Variants in ZC3H3 observed in about 807,000 individuals in gnomAD.
The protein encoded by ZC3H3 is zinc finger CCCH domain-containing protein 3.
Under a neutral mutation model 77.3 loss-of-function variants are expected in ZC3H3, and 36 were observed. That is an observed-to-expected ratio of 0.47 (90% CI 0.36 to 0.61). The LOEUF is 0.61. Among genes scored for constraint, ZC3H3 ranks in the 20% least tolerant of loss-of-function variants. The probability of loss-of-function intolerance (pLI) is 0.00; values close to 1 mark genes in which losing one functional copy is unlikely to be tolerated. For synonymous variants in ZC3H3, 626 were observed against 555.2 expected (o/e 1.13, Z -1.79); for missense variants, 1,331 against 1,312.2 (o/e 1.01, Z -0.22).
intron 9 of ZC3H3, among the ~76,000 whole-genome samples, chr8:143,461,493 A>C (rs1820260750): frequency 6.6e-6 from 1 of 152,192 alleles, no homozygotes; most frequent in South Asian, 2.1e-4. Flanking sequence ...TGGCCCTGCA[A>C]TTCCACTCCT....
rs558309607 is a variant in ZC3H3 at position 143,504,294 on chromosome 8, G to T, written c.1715+3452C>A. Among the ~76,000 whole-genome samples the T allele has an allele frequency of 1.2e-4, 19 of 152,244 alleles. No homozygotes were observed. In the East Asian group the frequency reaches 2.9e-3, roughly 23 times the overall value. ...GCCTCCTCAGGGCGGTGCAGTCCCC[G>T]CCATGAGCATCACAGCCAAGGGGAG... is the stretch of plus-strand genomic sequence containing the variant. On this transcript the variant is annotated intron_variant, in intron 4 of 11. Coordinates refer to ENST00000262577, the MANE Select transcript of ZC3H3 (RefSeq NM_015117.3).
chr8:143,507,413 G>T (rs1042562548), intron 4 of ZC3H3, among the ~76,000 whole-genome samples: 1 of 152,264 alleles, frequency 6.6e-6, no homozygotes, highest in African/African-American at 2.4e-5. Context: ...ACAGCACATG[G>T]CGTGGGCCCT....
In ZC3H3 at chr8:143,494,434, C is replaced by T. The variant is rs544279551; in HGVS notation, c.1715+13312G>A. ...CCTGCCAGCGTGGAGGATGGGGCTCCGGCAGATGACCCCCGAGGGGTGAGC... is the reference window on the plus strand; with the variant it reads ...CCTGCCAGCGTGGAGGATGGGGCTCTGGCAGATGACCCCCGAGGGGTGAGC... On this transcript the variant is annotated intron_variant, in intron 4 of 11. Coordinates refer to ENST00000262577, the MANE Select transcript of ZC3H3 (RefSeq NM_015117.3). The surrounding 1 kb of genome is among the most constrained non-coding windows in gnomAD (Gnocchi z 5.3). Among the ~76,000 whole-genome samples, 4 of 152,256 alleles carry T rather than the reference C, an allele frequency of 2.6e-5. No homozygotes were observed. Among genetic ancestry groups the T allele is most frequent in the Admixed American group, 2.0e-4 (3 of 15,302 alleles).
At chr8:143,459,957 T>C (rs1287196178) in intron 9 of ZC3H3, among the ~76,000 whole-genome samples, 5 of 152,054 alleles carry the variant, frequency 3.3e-5, no homozygotes, top group Non-Finnish European at 1.5e-5. Context: ...TTAAAAGTTC[T>C]AGCCAGAGGC....
chr8:143,477,076 C>T (rs1439807291), intron 4 of ZC3H3, among the ~76,000 whole-genome samples: 1 of 152,164 alleles, frequency 6.6e-6, no homozygotes, highest in Non-Finnish European at 1.5e-5. Context: ...CTGTCGGGTT[C>T]CACCGCCATC....
rs750583361 is a variant in ZC3H3, at chr8:143,440,198, C to T, written c.2658G>A (p.Leu886=). 6.2e-7 allele frequency: 1 copy of T among 1,611,164 alleles called. No individual in the cohort carries two copies. The highest frequency in any genetic ancestry group is 8.5e-7 in the Non-Finnish European group (1 of 1,179,400). ...SSSSSSPPAS[L]DHEAPSLQEA... ...CCTGGAGAGATGGTGCCTCGTGGTC[C>T]AAGGAAGCGGGAGGGGATGAGGAGG... is the stretch of plus-strand genomic sequence containing the variant. Residue 886 remains leucine, a synonymous_variant, in exon 11 of 12, where the codon TTG becomes TTA. Transcript: ENST00000262577.
At chr8:143,454,177 G>A (rs1586879711) in intron 9 of ZC3H3, among the ~76,000 whole-genome samples, 4 of 150,504 alleles carry the variant, frequency 2.7e-5, no homozygotes, top group East Asian at 3.9e-4. Flanking sequence ...CATCTCCCGG[G>A]TTCAAGCAAT....
intron 3 of ZC3H3, 49 bp from the exon 4 acceptor site, chr8:143,507,948 G>C: frequency 2.0e-6 from 3 of 1,509,706 alleles, no homozygotes; most frequent in Non-Finnish European, 2.7e-6. Flanking sequence ...AGGCCGGCAA[G>C]GGTAGGGTCA....
At chr8:143,485,076 T>C (rs1029740814) in intron 4 of ZC3H3, 1 of 268,152 alleles carries the variant, frequency 3.7e-6, no homozygotes, top group Admixed American at 5.2e-5. Flanking sequence ...AGTTGGAACA[T>C]ACAAAGAAGA....
At chr8:143,447,745 G>C (rs1397531598) in intron 9 of ZC3H3, among the ~76,000 whole-genome samples, 4 of 152,188 alleles carry the variant, frequency 2.6e-5, no homozygotes, top group African/African-American at 9.7e-5. Context: ...GGACGAGAGA[G>C]AGCGGGGCAG....
chr8:143,471,321 G>C (rs1820556931), intron 5 of ZC3H3, among the ~76,000 whole-genome samples: 1 of 152,248 alleles, frequency 6.6e-6, no homozygotes, highest in African/African-American at 2.4e-5. Context: ...CCCAGAAGAG[G>C]CAGTGTGGGG....
At chr8:143,463,314 G>A (rs1820316163) in intron 9 of ZC3H3, among the ~76,000 whole-genome samples, 1 of 152,176 alleles carries the variant, frequency 6.6e-6, no homozygotes, top group African/African-American at 2.4e-5. Flanking sequence ...ACACCCATAA[G>A]GAGCCAGGAG....
rs1388504083 is a variant in ZC3H3, at chr8:143,468,625, G to A, written c.1938C>T (p.Ser646=). The part of the protein sequence containing the change: ...RLDPAGSCSR[S]LASRAVQRSL... The stretch of plus-strand genomic sequence containing the variant: ...CAGCCCAAAGGCATTACCTGGCCAG[G>A]GAACGGCTACAGCTGCCTGCAGGAT... Residue 646 remains serine (S), a synonymous_variant, in exon 6 of 12, where the codon TCC becomes TCT. Coordinates refer to ENST00000262577, the MANE Select transcript of ZC3H3 (RefSeq NM_015117.3). 3 of 1,557,716 alleles carry A rather than the reference G, an allele frequency of 1.9e-6. No individual in the cohort carries two copies. The highest frequency in any genetic ancestry group is 4.8e-5 in the East Asian group (2 of 41,356).
chr8:143,464,693 G>A (rs1430551968), intron 9 of ZC3H3, among the ~76,000 whole-genome samples: 2 of 152,162 alleles, frequency 1.3e-5, no homozygotes, highest in Non-Finnish European at 2.9e-5. Context: ...GGCTTCACGG[G>A]GGCTGCAGAC....
chr8:143,500,722 C>G (rs536954383), intron 4 of ZC3H3, among the ~76,000 whole-genome samples: 62 of 152,276 alleles, frequency 4.1e-4, no homozygotes, highest in Non-Finnish European at 4.0e-4. Context: ...GGGCCCCTCC[C>G]ACCACACAGC....
At chr8:143,499,848 C>G (rs985222964) in intron 4 of ZC3H3, among the ~76,000 whole-genome samples, 70 of 152,320 alleles carry the variant, frequency 4.6e-4, no homozygotes, top group African/African-American at 1.6e-3. Context: ...AGCAGGGAGG[C>G]AGTAAACACC....
intron 4 of ZC3H3, among the ~76,000 whole-genome samples, chr8:143,506,151 A>C (rs2924511): frequency 0.036 from 5,549 of 152,316 alleles, 314 homozygotes; most frequent in African/African-American, 0.13. Flanking sequence ...AGCTACAGGA[A>C]CCAGACCAGC....
chr8:143,464,376 C>T (rs771251376), intron 9 of ZC3H3, among the ~76,000 whole-genome samples: 2 of 152,260 alleles, frequency 1.3e-5, no homozygotes. Context: ...CCTACCTCCC[C>T]GGAGGGGATT....
chr8:143,468,237 G>A lies in ZC3H3; in HGVS notation c.2147C>T (p.Pro716Leu), dbSNP rs754043561. Residue 716 changes from proline (P) to leucine (L), a missense_variant, in exon 8 of 12, where the codon CCC becomes CTC. Coordinates refer to ENST00000262577, the MANE Select transcript of ZC3H3 (RefSeq NM_015117.3). ...CTCCTTGGACACATGGTGGGAGAAG[G>A]GGCAGGTCCCATCCGTTTTCTTGCA... is the stretch of plus-strand genomic sequence containing the variant. Reference protein sequence around the residue: ...GTCKKTDGTCPFSHHVSKEKM... With the variant: ...GTCKKTDGTCLFSHHVSKEKM... 10 of 1,613,052 alleles carry A rather than the reference G, an allele frequency of 6.2e-6. No homozygotes were observed. The highest frequency in any genetic ancestry group is 8.5e-6 in the Non-Finnish European group (10 of 1,179,932).
Sources: gnomAD v4.1 joint callset for allele counts (sites outside exome capture counted in the v4.1 genomes callset) on GRCh38, gnomAD v4.1.1 for gene constraint, Gnocchi (gnomAD v3.1) non-coding constraint, MANE v1.5 for transcripts, NCBI Gene and HGNC (gene_info 2026-07-23, HGNC 2026-07-21) for gene names.